The following RMND1 variants were observed in gnomAD, a reference collection of about 807,000 sequenced individuals.
The protein encoded by RMND1 is required for meiotic nuclear division protein 1 homolog.
In RMND1, 41 loss-of-function variants were observed where a neutral mutation model predicts 54.0. That is an observed-to-expected ratio of 0.76 (90% confidence interval 0.59 to 0.98). The LOEUF (loss-of-function observed/expected upper bound fraction) is 0.98. Among genes scored for constraint, RMND1 ranks in the 50% least tolerant of loss-of-function variants. The probability of loss-of-function intolerance (pLI) is 0.00; values close to 1 mark genes in which losing one functional copy is unlikely to be tolerated. For missense variants in RMND1, 457 were observed against 532.0 expected, an observed-to-expected ratio of 0.86 and a Z score of 1.39; for synonymous variants, 183 against 181.7, an observed-to-expected ratio of 1.01 and a Z score of -0.06.
intron 6 of RMND1, among the ~76,000 whole-genome samples, chr6:151,427,130 G>C (rs1384655701): frequency 1.3e-5 from 2 of 151,500 alleles, no homozygotes; most frequent in East Asian, 2.0e-4. Flanking sequence ...TGTAATCCCA[G>C]CACTTTGAGA....
At chr6:151,420,464 A>G (rs765731075) in intron 9 of RMND1, among the ~76,000 whole-genome samples, 5 of 152,210 alleles carry the variant, frequency 3.3e-5, no homozygotes, top group Non-Finnish European at 7.3e-5. Flanking sequence ...AAACTGGACA[A>G]TGCTGCCTGT....
chr6:151,417,754 A>G (rs1273041998), intron 9 of RMND1, among the ~76,000 whole-genome samples: 2 of 152,134 alleles, frequency 1.3e-5, no homozygotes, highest in African/African-American at 4.8e-5. Flanking sequence ...AATTAATTCA[A>G]TCTTTAATAC....
chr6:151,418,842 C>T (rs1031860919), intron 9 of RMND1, among the ~76,000 whole-genome samples: 5 of 152,136 alleles, frequency 3.3e-5, no homozygotes, highest in African/African-American at 4.8e-5. Context: ...GCGATCTTGG[C>T]TCACCACAAC....
In RMND1 at chr6:151,423,735, T is replaced by C. The variant is rs1040626458; in HGVS notation, c.831-104A>G. Reference sequence around the variant, plus strand: ...TCTTTCTGGAGGTCATTTTGACAATTTGTATCAAGAGTGTTACAAATGTTC... The same window carrying C: ...TCTTTCTGGAGGTCATTTTGACAATCTGTATCAAGAGTGTTACAAATGTTC... On this transcript the variant is annotated intron_variant, in intron 6 of 11. Coordinates refer to ENST00000444024, the MANE Select transcript of RMND1 (RefSeq NM_017909.4). 3 of 780,736 alleles carry C rather than the reference T, an allele frequency of 3.8e-6. No individual in the cohort carries two copies. In the African/African-American group the frequency reaches 5.2e-5, roughly 13 times the overall value. The allele number at this position is 780,736 out of a possible 1,614,324, so 48.4% of individuals were successfully genotyped here.
chr6:151,413,417 C>T (rs748453236), intron 10 of RMND1, among the ~76,000 whole-genome samples: 6 of 152,034 alleles, frequency 3.9e-5, no homozygotes, highest in Admixed American at 2.6e-4. Context: ...CCACCATGCC[C>T]GACTAATTTA....
chr6:151,439,953 C>A (rs1431182276), intron 2 of RMND1, among the ~76,000 whole-genome samples: 2 of 152,088 alleles, frequency 1.3e-5, no homozygotes, highest in Admixed American at 1.3e-4. Flanking sequence ...AGTGACCGCA[C>A]CCGGCCTATT....
At chr6:151,451,210 A>AC (rs1426170981) in intron 1 of RMND1, among the ~76,000 whole-genome samples, 1 of 151,664 alleles carries the variant, frequency 6.6e-6, no homozygotes, top group African/African-American at 2.4e-5. Context: ...AAAAAAAAAA[A>AC]AAAAAAAAAC....
chr6:151,450,577 T>C (rs1157252957), intron 1 of RMND1, among the ~76,000 whole-genome samples: 1 of 111,650 alleles, frequency 9.0e-6, no homozygotes. Context: ...GGGAGGGAGG[T>C]GGGGGGGTCA....
intron 10 of RMND1, among the ~76,000 whole-genome samples, chr6:151,414,130 C>T (rs917972508): frequency 4.6e-5 from 7 of 151,996 alleles, no homozygotes; most frequent in South Asian, 2.1e-4. Flanking sequence ...GATGTAGTGG[C>T]GTGATCATGG....
At chr6:151,423,500 T>G (rs368951912) in intron 7 of RMND1, 25 bp downstream of exon 7, 2 of 1,417,958 alleles carry the variant, frequency 1.4e-6, no homozygotes, top group East Asian at 4.6e-5. Flanking sequence ...TGTAGTACCC[T>G]ATCCCATAAG....
At chr6:151,437,282 A>C (rs905753026) in intron 2 of RMND1, among the ~76,000 whole-genome samples, 1 of 152,206 alleles carries the variant, frequency 6.6e-6, no homozygotes, top group Non-Finnish European at 1.5e-5. Flanking sequence ...CTAAATAGAA[A>C]ATATTACAGT....
chr6:151,450,707 A>G (rs1448255066), intron 1 of RMND1, among the ~76,000 whole-genome samples: 1 of 151,910 alleles, frequency 6.6e-6, no homozygotes, highest in African/African-American at 2.4e-5. Flanking sequence ...GGTGTACTCA[A>G]CAGCTCATTG....
intron 2 of RMND1, among the ~76,000 whole-genome samples, chr6:151,439,422 GAC>G (rs2114962968): frequency 6.6e-6 from 1 of 152,320 alleles, no homozygotes; most frequent in African/African-American, 2.4e-5. Flanking sequence ...GCATGTTGCA[GAC>G]AGAGCTGAGT....
intron 5 of RMND1, among the ~76,000 whole-genome samples, chr6:151,428,420 T>C (rs939611633): frequency 6.6e-6 from 1 of 152,260 alleles, no homozygotes; most frequent in Non-Finnish European, 1.5e-5. Flanking sequence ...TGGGGAATTT[T>C]TTCTACTCTC....
chr6:151,449,258 A>G (rs1466380456), intron 1 of RMND1, among the ~76,000 whole-genome samples: 2 of 150,220 alleles, frequency 1.3e-5, no homozygotes, highest in Non-Finnish European at 3.0e-5. Flanking sequence ...AATCCCAGTT[A>G]CTCGGGAGGC....
intron 1 of RMND1, among the ~76,000 whole-genome samples, chr6:151,446,316 C>T (rs1425868520): frequency 6.6e-6 from 1 of 151,940 alleles, no homozygotes; most frequent in Non-Finnish European, 1.5e-5. Flanking sequence ...TGCCTGTAGT[C>T]CCAGCTACTC....
intron 9 of RMND1, among the ~76,000 whole-genome samples, chr6:151,418,117 T>A (rs993487335): frequency 1.3e-5 from 2 of 152,118 alleles, no homozygotes; most frequent in African/African-American, 4.8e-5. Context: ...AAACTTTTTT[T>A]ATTAAAAATT....
chr6:151,433,273 A>G, intron 3 of RMND1, 43 bp from the exon 4 acceptor site: 1 of 1,377,512 alleles, frequency 7.3e-7, no homozygotes. Context: ...TGTCAAGGTA[A>G]CACAAGTTGT....
At position 151,445,641 on chromosome 6, in the gene RMND1, T is replaced by C. The variant is rs761225494; in HGVS notation, c.171A>G (p.Lys57=). ...RQSLDLFLPD[K]TASGLNKSQI... ...GAGACTTATTCAAACCACTAGCTGT[T>C]TTATCAGGAAGGAACAAATCCAAGC... is the stretch of plus-strand genomic sequence containing the variant. Residue 57 remains lysine (K), a synonymous_variant, in exon 2 of 12, where the codon AAA becomes AAG. Transcript: ENST00000444024. 6.8e-6 allele frequency: 11 copies of C among 1,614,182 alleles called. No individual in the cohort carries two copies. The East Asian group carries it at 2.5e-4, about 36-fold the overall frequency.
Sources: allele counts gnomAD v4.1 joint callset (sites outside exome capture counted in the v4.1 genomes callset), GRCh38; gene constraint gnomAD v4.1.1; transcripts MANE v1.5; gene names NCBI Gene and HGNC (gene_info 2026-07-23, HGNC 2026-07-21).